The following AKAP12 variants were observed in gnomAD, a reference collection of about 807,000 sequenced individuals.
The protein encoded by AKAP12 is A-kinase anchor protein 12.
In AKAP12, 32 loss-of-function variants were observed where a neutral mutation model predicts 79.9. The observed-to-expected ratio is 0.40, with a 90% CI of 0.30 to 0.54. The LOEUF is 0.54. AKAP12 is among the 20% of genes least tolerant of loss of function. The pLI is 0.48. For missense variants in AKAP12, 2,074 were observed against 2,177.0 expected (o/e 0.95, Z 0.94); for synonymous variants, 808 against 857.0 (o/e 0.94, Z 1.00).
rs867267036 is a variant in AKAP12 at position 151,356,320 on chromosome 6, T to C, written c.*606T>C. The C allele has an allele frequency of 3.9e-5, 6 of 152,656 alleles. No homozygotes were observed. In the South Asian group the frequency reaches 1.2e-3, roughly 32 times the overall value. The allele number at this position is 152,656 out of a possible 1,614,324, so 9.5% of individuals were successfully genotyped here. On this transcript the variant is annotated 3_prime_UTR_variant, in exon 5 of 5. Transcript: ENST00000402676. ...GTCCATATTTAGTGGTACTCTGAAA[T>C]TGGTCACTTTCCTATTACACGGAGT...
chr6:151,299,694 G>A (rs1322976200), intron 2 of AKAP12, among the ~76,000 whole-genome samples: 2 of 151,046 alleles, frequency 1.3e-5, no homozygotes, highest in Non-Finnish European at 2.9e-5. Context: ...AGCTTTTGAT[G>A]TTGTCTATTG....
chr6:151,355,985 A>C lies in AKAP12; in HGVS notation c.*271A>C, dbSNP rs1778430334. 1 of 152,624 alleles carries C rather than the reference A, an allele frequency of 6.6e-6. No homozygotes were observed. The allele number at this position is 152,624 out of a possible 1,614,324, so 9.5% of individuals were successfully genotyped here. A position where few individuals can be genotyped will look rare whatever the true frequency, so the allele number is the denominator to read the frequency against. ...ATATAAATTCTGATTTAAGGTCCTA[A>C]ATTCTTAACCTGGAACTGGAGTTGG... On this transcript the variant is annotated 3_prime_UTR_variant, in exon 5 of 5. Transcript: ENST00000402676.
Position 151,357,707 on chromosome 6 carries a change from TA to T in AKAP12, c.*1995del, listed in dbSNP as rs531624760. The T allele has an allele frequency of 1.6e-5, 2 of 127,474 alleles. No individual in the cohort carries two copies. The highest frequency in any genetic ancestry group is 2.4e-4 in the South Asian group (1 of 4,176). The allele number at this position is 127,474 out of a possible 1,614,324, so 7.9% of individuals were successfully genotyped here. ...TCAAAAAACCTCTGATATATATATA[TA>T]ATTTTTTTTTTTTTTTTTTTTTGGC... On this transcript the variant is annotated 3_prime_UTR_variant, in exon 5 of 5. Transcript: ENST00000402676.
intron 2 of AKAP12, among the ~76,000 whole-genome samples, chr6:151,262,631 A>G (rs1275781005): frequency 6.6e-6 from 1 of 152,090 alleles, no homozygotes; most frequent in Non-Finnish European, 1.5e-5. Context: ...AAGTTCAAAC[A>G]CTTCATTTGT....
At chr6:151,296,515 G>A (rs1776727668) in intron 2 of AKAP12, among the ~76,000 whole-genome samples, 1 of 152,188 alleles carries the variant, frequency 6.6e-6, no homozygotes, top group African/African-American at 2.4e-5. Context: ...GGTGGCTCAT[G>A]CCTGAAATCC....
chr6:151,277,737 A>G (rs982517338), intron 2 of AKAP12, among the ~76,000 whole-genome samples: 11 of 152,240 alleles, frequency 7.2e-5, no homozygotes, highest in Admixed American at 1.3e-4. Flanking sequence ...CAACAAATAT[A>G]AAAGACACTT....
At chr6:151,267,271 T>C (rs1562713606) in intron 2 of AKAP12, among the ~76,000 whole-genome samples, 1 of 152,158 alleles carries the variant, frequency 6.6e-6, no homozygotes, top group Non-Finnish European at 1.5e-5. Context: ...TGTGAGAAGG[T>C]GGTTAATATA....
intron 2 of AKAP12, among the ~76,000 whole-genome samples, chr6:151,266,391 G>T (rs1173935029): frequency 6.6e-6 from 1 of 152,176 alleles, no homozygotes; most frequent in Non-Finnish European, 1.5e-5. Flanking sequence ...AAAGAGGAAA[G>T]ACAGTGTTAG....
Position 151,240,630 on chromosome 6 carries a change from C to A in AKAP12, c.68C>A (p.Ala23Asp). 1.5e-6 allele frequency: 2 copies of A among 1,375,380 alleles called. No individual in the cohort carries two copies. Among genetic ancestry groups the A allele is most frequent in the Non-Finnish European group, 1.9e-6 (2 of 1,067,890 alleles). 85.2% of individuals were successfully genotyped at this position (1,375,380 alleles called of 1,614,324 possible). The change falls in exon 2 of 5, where the codon GCT becomes GAT. Residue 23 changes from alanine (A) to aspartate (D), a missense_variant. Ala to Asp is a moderately radical substitution (Grantham distance 126). This residue lies in a region of AKAP12 where 1,428 missense variants were observed against 1,451.0 expected (regional missense o/e 0.98). Coordinates refer to ENST00000402676, the MANE Select transcript of AKAP12 (RefSeq NM_005100.4). ...CCGCCCGAGGGGAGCTCCACGCCGGCTGAGCCCGAGCCCAGCGGCGGCGGC... is the reference window on the plus strand; with the variant it reads ...CCGCCCGAGGGGAGCTCCACGCCGGATGAGCCCGAGCCCAGCGGCGGCGGC... ...EQPPEGSSTP[A>D]EPEPSGGGPS...
chr6:151,356,357 A>G lies in AKAP12; in HGVS notation c.*643A>G, dbSNP rs1347844808. 6.6e-6 allele frequency: 1 copy of G among 152,618 alleles called. No homozygotes were observed. Among genetic ancestry groups the G allele is most frequent in the Admixed American group, 6.5e-5 (1 of 15,282 alleles). The allele number at this position is 152,618 out of a possible 1,614,324, so 9.5% of individuals were successfully genotyped here. A position where few individuals can be genotyped will look rare whatever the true frequency, so the allele number is the denominator to read the frequency against. ...CTATTACACGGAGTGTGCTAAAACT[A>G]AAAAGCATTTTGAAACATACAGAAT... On this transcript the variant is annotated 3_prime_UTR_variant, in exon 5 of 5. Transcript: ENST00000402676.
intron 3 of AKAP12, among the ~76,000 whole-genome samples, chr6:151,345,232 C>T (rs562629214): frequency 1.3e-5 from 2 of 151,746 alleles, no homozygotes; most frequent in Non-Finnish European, 2.9e-5. Flanking sequence ...CCTGCCACCA[C>T]GCCTGGCTAA....
At chr6:151,299,390 G>A (rs1471673141) in intron 2 of AKAP12, among the ~76,000 whole-genome samples, 4 of 152,068 alleles carry the variant, frequency 2.6e-5, no homozygotes, top group Admixed American at 6.6e-5. Context: ...AAAGGAAACC[G>A]TGTCTGTTCT....
chr6:151,281,818 T>A (rs908072628), intron 2 of AKAP12, among the ~76,000 whole-genome samples: 6 of 151,716 alleles, frequency 4.0e-5, no homozygotes, highest in Admixed American at 1.3e-4. Flanking sequence ...TCTGAGTAGC[T>A]AGGAATACAG....
At position 151,348,797 on chromosome 6, in the gene AKAP12, G is replaced by A. The variant is rs1363066257; in HGVS notation, c.406G>A (p.Asp136Asn). ...GTCAGCGGTTGTTCACGACATCACA[G>A]ATGATGGGCAGGAGGAGACACCCGA... ...TKSAVVHDIT[D>N]DGQEETPEII... The change falls in exon 4 of 5, where the codon GAT (aspartate) becomes AAT (asparagine). Residue 136 changes from aspartate to asparagine, a missense_variant. Around this residue, in one of 3 missense-constraint regions of AKAP12, gnomAD observed 1,428 missense variants for 1,451.0 expected, o/e 0.98. Transcript: ENST00000402676. 2 of 1,603,068 alleles carry A rather than the reference G, an allele frequency of 1.2e-6. No homozygotes were observed. Among genetic ancestry groups the A allele is most frequent in the Non-Finnish European group, 1.7e-6 (2 of 1,174,396 alleles).
intron 2 of AKAP12, among the ~76,000 whole-genome samples, chr6:151,276,759 C>G (rs564770106): frequency 6.6e-6 from 1 of 152,374 alleles, no homozygotes; most frequent in South Asian, 2.1e-4. Flanking sequence ...TAGCAAGTCA[C>G]TGATTGTGCT....
intron 2 of AKAP12, among the ~76,000 whole-genome samples, chr6:151,253,587 G>A (rs1797232775): frequency 1.3e-5 from 2 of 152,102 alleles, no homozygotes; most frequent in Admixed American, 1.3e-4. Flanking sequence ...ACCTTAGGTG[G>A]CCTATCTACT....
chr6:151,348,680 T>TCGCCCC, intron 3 of AKAP12, 31 bp from the exon 4 acceptor site: 1 of 355,202 alleles, frequency 2.8e-6, no homozygotes. Flanking sequence ...TTTTCTCTTC[T>TCGCCCC]CCCCACCCCC....
In AKAP12 at chr6:151,349,661, G is replaced by A. The variant is rs568033766; in HGVS notation, c.1270G>A (p.Val424Met). 69 of 1,614,082 alleles carry A rather than the reference G, an allele frequency of 4.3e-5. No homozygotes were observed. Among genetic ancestry groups the A allele is most frequent in the South Asian group, 3.4e-4 (31 of 91,054 alleles). The change falls in exon 4 of 5, where the codon GTG becomes ATG. Residue 424 changes from valine (V) to methionine (M), a missense_variant. This residue lies in a region of AKAP12 where 1,428 missense variants were observed against 1,451.0 expected (regional missense o/e 0.98). Coordinates refer to ENST00000402676, the MANE Select transcript of AKAP12 (RefSeq NM_005100.4). ...TGTGGCCGAAGTCCACGTCAGCACCGTGGAGGAGAGAACCGAAGAGCAGAA... is the reference window on the plus strand; with the variant it reads ...TGTGGCCGAAGTCCACGTCAGCACCATGGAGGAGAGAACCGAAGAGCAGAA... ...EVVAEVHVST[V>M]EERTEEQKTE...
In AKAP12 at chr6:151,349,598, G is replaced by T. The variant is rs751157043; in HGVS notation, c.1207G>T (p.Val403Leu). The change falls in exon 4 of 5, where the codon GTG becomes TTG. Residue 403 changes from valine (V) to leucine (L), a missense_variant. By Grantham distance (32) the Val-to-Leu change is conservative (BLOSUM62 1). This residue lies in a region of AKAP12 where 1,428 missense variants were observed against 1,451.0 expected (regional missense o/e 0.98). Coordinates refer to ENST00000402676, the MANE Select transcript of AKAP12 (RefSeq NM_005100.4). ...EEKPAPLATEVFDEKIEVHQE... is the reference protein window; with the variant it reads ...EEKPAPLATELFDEKIEVHQE... ...GAAACCTGCTCCGTTGGCGACAGAA[G>T]TGTTTGATGAGAAAATAGAAGTCCA... 1.2e-6 allele frequency: 2 copies of T among 1,611,302 alleles called. No individual in the cohort carries two copies. The highest frequency in any genetic ancestry group is 1.3e-5 in the African/African-American group (1 of 74,502).
Sources: allele counts gnomAD v4.1 joint callset (sites outside exome capture counted in the v4.1 genomes callset), GRCh38; gene constraint gnomAD v4.1.1; regional missense constraint gnomAD v4.1.1; transcripts MANE v1.5; gene names NCBI Gene and HGNC (gene_info 2026-07-23, HGNC 2026-07-21).